Variants in RTN1 observed in about 807,000 individuals in gnomAD.
RTN1 encodes reticulon 1, also known as reticulon-1.
RTN1 carries 25 observed loss-of-function variants against 65.5 expected under a neutral mutation model. That is an observed-to-expected ratio of 0.38 (90% CI 0.28 to 0.53). The LOEUF (loss-of-function observed/expected upper bound fraction) is 0.53, where lower values mean the gene tolerates loss of function less well. RTN1 is among the 20% of genes least tolerant of loss of function. The pLI, the probability that RTN1 is intolerant of heterozygous loss-of-function variation, is 0.79. For synonymous variants in RTN1, 471 were observed against 447.6 expected, an observed-to-expected ratio of 1.05 and a Z score of -0.66; for missense variants, 983 against 1,025.4, an observed-to-expected ratio of 0.96 and a Z score of 0.57.
chr14:59,811,364 C>T (rs78125856), intron 1 of RTN1, among the ~76,000 whole-genome samples: 1,837 of 152,270 alleles, frequency 0.012, 34 homozygotes, highest in African/African-American at 0.041. Context: ...ATTTCATCAG[C>T]CACATTACAA....
chr14:59,807,457 C>G (rs1448596191), intron 1 of RTN1, among the ~76,000 whole-genome samples: 1 of 152,190 alleles, frequency 6.6e-6, no homozygotes, highest in Admixed American at 6.5e-5. Flanking sequence ...CAAACATCTG[C>G]CTCACTCAGA....
intron 3 of RTN1, among the ~76,000 whole-genome samples, chr14:59,647,386 A>G (rs1168155678): frequency 2.0e-5 from 3 of 152,194 alleles, no homozygotes; most frequent in Admixed American, 6.5e-5. Flanking sequence ...AACTAGACAG[A>G]TGATCAAGGC....
intron 3 of RTN1, among the ~76,000 whole-genome samples, chr14:59,716,990 A>C (rs8012899): frequency 0.028 from 3,917 of 140,514 alleles, 133 homozygotes; most frequent in African/African-American, 0.081. Context: ...AACAAACAAA[A>C]AAAAAAAAAA....
intron 3 of RTN1, among the ~76,000 whole-genome samples, chr14:59,651,561 A>T (rs1184350297): frequency 6.6e-6 from 1 of 152,072 alleles, no homozygotes; most frequent in Non-Finnish European, 1.5e-5. Flanking sequence ...AACATGGCAA[A>T]ACCCTGTCTC....
chr14:59,831,945 C>T, intron 1 of RTN1, among the ~76,000 whole-genome samples: 1 of 152,230 alleles, frequency 6.6e-6, no homozygotes, highest in Non-Finnish European at 1.5e-5. Context: ...TCTGGTAAAA[C>T]TGACTTAGAC....
At chr14:59,734,933 C>G (rs944782792) in intron 2 of RTN1, among the ~76,000 whole-genome samples, 2 of 151,986 alleles carry the variant, frequency 1.3e-5, no homozygotes, top group Non-Finnish European at 2.9e-5. Context: ...GACACATAAT[C>G]ATCAAATTCT....
intron 1 of RTN1, among the ~76,000 whole-genome samples, chr14:59,834,261 A>G (rs919938083): frequency 6.6e-6 from 1 of 152,198 alleles, no homozygotes; most frequent in South Asian, 2.1e-4. Context: ...AAATTTCTAG[A>G]AGAAAACACA....
At chr14:59,604,371 A>G (rs1160523807) in intron 5 of RTN1, 1 of 154,258 alleles carries the variant, frequency 6.5e-6, no homozygotes, top group Non-Finnish European at 1.4e-5. Context: ...TTGTGCTACA[A>G]TGGCAAAGTT....
intron 1 of RTN1, among the ~76,000 whole-genome samples, chr14:59,810,006 G>A (rs975211062): frequency 2.0e-5 from 3 of 152,250 alleles, no homozygotes; most frequent in African/African-American, 7.2e-5. Flanking sequence ...TACCCACTAC[G>A]TTCCTAGCCC....
intron 2 of RTN1, among the ~76,000 whole-genome samples, chr14:59,736,013 C>A (rs1884994696): frequency 6.6e-6 from 1 of 152,080 alleles, no homozygotes; most frequent in African/African-American, 2.4e-5. Flanking sequence ...AGACAACATA[C>A]CAAAATCTCT....
intron 3 of RTN1, among the ~76,000 whole-genome samples, chr14:59,671,122 G>T (rs1026353454): frequency 6.6e-6 from 1 of 152,248 alleles, no homozygotes; most frequent in East Asian, 1.9e-4. Context: ...TAGGGAGGAG[G>T]GAGGGTTGTT....
In RTN1 at chr14:59,795,175, A is replaced by G. The variant is rs1356369609; in HGVS notation, c.242-48694T>C. ...GGCTAATTTCAATATTCTGTGACTA[A>G]TTTTAATCTTTGATAGGACAAAACT... is the stretch of plus-strand genomic sequence containing the variant. On this transcript the variant is annotated intron_variant, in intron 1 of 8. Transcript: ENST00000267484. 2.0e-5 allele frequency among the ~76,000 whole-genome samples: 3 copies of G among 152,200 alleles called. No homozygotes were observed. In the South Asian group the frequency reaches 6.2e-4, roughly 31 times the overall value.
chr14:59,800,454 G>A (rs540616566), intron 1 of RTN1, among the ~76,000 whole-genome samples: 1 of 152,242 alleles, frequency 6.6e-6, no homozygotes, highest in East Asian at 1.9e-4. Context: ...AGGCTGGAGG[G>A]CAGTGGCACG....
intron 1 of RTN1, among the ~76,000 whole-genome samples, chr14:59,869,585 G>A (rs1022117384): frequency 7.6e-6 from 1 of 132,446 alleles, no homozygotes; most frequent in African/African-American, 2.7e-5. Context: ...GGGGTGGGGG[G>A]GGGGGGGCGC....
intron 2 of RTN1, among the ~76,000 whole-genome samples, chr14:59,735,297 A>G (rs1884980739): frequency 6.6e-6 from 1 of 152,248 alleles, no homozygotes; most frequent in African/African-American, 2.4e-5. Flanking sequence ...TGAAGTATAC[A>G]GACCAGTGAC....
rs1463086798 is a variant in RTN1 at position 59,803,933 on chromosome 14, G to A, written c.242-57452C>T. Among the ~76,000 whole-genome samples the A allele has an allele frequency of 6.6e-6, 1 of 152,090 alleles. No individual in the cohort carries two copies. The highest frequency in any genetic ancestry group is 2.4e-5 in the African/African-American group (1 of 41,406). ...CAGGTTTGGTTTACATAAAAGTTGT[G>A]GAAATTGTACAAAGCATTCCCACAT... On this transcript the variant is annotated intron_variant, in intron 1 of 8. Coordinates refer to ENST00000267484, the MANE Select transcript of RTN1 (RefSeq NM_021136.3). This position sits in a 1 kb window ranked among gnomAD's most constrained non-coding sequence, Gnocchi z 5.6.
At chr14:59,606,177 C>T (rs2140162649) in intron 4 of RTN1, 1 of 148,702 alleles carries the variant, frequency 6.7e-6, no homozygotes, top group Middle Eastern at 3.4e-3. Context: ...CACAGAGGTC[C>T]ATCCTTCCTC....
At chr14:59,723,559 G>A (rs1884693883) in intron 3 of RTN1, among the ~76,000 whole-genome samples, 1 of 152,148 alleles carries the variant, frequency 6.6e-6, no homozygotes, top group Non-Finnish European at 1.5e-5. Flanking sequence ...GGAGCTTGCA[G>A]TGAGCAGAGA....
At chr14:59,806,228 C>A in intron 1 of RTN1, among the ~76,000 whole-genome samples, 1 of 151,124 alleles carries the variant, frequency 6.6e-6, no homozygotes, top group Non-Finnish European at 1.5e-5. Context: ...GGGTGAGACT[C>A]CTTCTCAAAA....
Sources: allele counts gnomAD v4.1 joint callset (sites outside exome capture counted in the v4.1 genomes callset), GRCh38; gene constraint gnomAD v4.1.1; non-coding constraint Gnocchi (gnomAD v3.1); transcripts MANE v1.5; gene names NCBI Gene and HGNC (gene_info 2026-07-23, HGNC 2026-07-21).